The following TNPO3 variants were observed in gnomAD, a reference collection of about 807,000 sequenced individuals.
TNPO3 encodes the protein transportin 3, also known as transportin-3.
A neutral mutation model predicts 122.8 loss-of-function variants in TNPO3; 65 were observed. That is an observed-to-expected ratio of 0.53 (90% confidence interval 0.43 to 0.65). TNPO3 has a LOEUF of 0.65. TNPO3 is among the 30% of genes least tolerant of loss of function. The pLI is 0.00. For synonymous variants in TNPO3, 372 were observed against 411.2 expected, an observed-to-expected ratio of 0.90 and a Z score of 1.15; for missense variants, 850 against 1,136.7, an observed-to-expected ratio of 0.75 and a Z score of 3.63.
At chr7:128,963,948 CTTATA>C (rs1797698490) in intron 21 of TNPO3, among the ~76,000 whole-genome samples, 1 of 152,182 alleles carries the variant, frequency 6.6e-6, no homozygotes, top group Non-Finnish European at 1.5e-5. Flanking sequence ...CCTAGTCTCA[CTTATA>C]TATCTTTCTG....
intron 1 of TNPO3, among the ~76,000 whole-genome samples, chr7:129,043,842 G>A (rs1164441039): frequency 6.6e-6 from 1 of 152,154 alleles, no homozygotes; most frequent in African/African-American, 2.4e-5. Flanking sequence ...AAAATGCCAA[G>A]CTTGAAACCA....
intron 21 of TNPO3, among the ~76,000 whole-genome samples, chr7:128,961,718 C>A (rs74542576): frequency 0.044 from 6,736 of 152,182 alleles, 206 homozygotes; most frequent in Middle Eastern, 0.1. Context: ...ATTTCTCGAG[C>A]CCCATAAGAT....
At chr7:128,981,596 G>A (rs183751524) in intron 14 of TNPO3, among the ~76,000 whole-genome samples, 46 of 152,230 alleles carry the variant, frequency 3.0e-4, no homozygotes, top group Admixed American at 5.9e-4. Context: ...AGACACTGAG[G>A]GGATGGGATC....
chr7:128,983,353 T>A (rs1180529180), intron 13 of TNPO3, among the ~76,000 whole-genome samples: 5 of 152,060 alleles, frequency 3.3e-5, no homozygotes, highest in Admixed American at 3.3e-4. Flanking sequence ...ATTACAAGTG[T>A]GCGTCACCAC....
intron 4 of TNPO3, among the ~76,000 whole-genome samples, chr7:129,012,248 C>T (rs1266239876): frequency 1.3e-5 from 2 of 151,846 alleles, no homozygotes; most frequent in Non-Finnish European, 2.9e-5. Context: ...TCAAGTAATC[C>T]ACCCGCCTCA....
Position 128,970,313 on chromosome 7 carries a change from A to G in TNPO3, c.2433T>C (p.His811=), listed in dbSNP as rs1798329880. 1 of 1,593,712 alleles carries G rather than the reference A, an allele frequency of 6.3e-7. No individual in the cohort carries two copies. Among genetic ancestry groups the G allele is most frequent in the Non-Finnish European group, 8.6e-7 (1 of 1,168,556 alleles). Residue 811 remains histidine (H), a splice_region_variant and synonymous_variant, in exon 20 of 23, where the codon CAT becomes CAC. Transcript: ENST00000265388. ...DLIHTGVAND[H]EEDFELRKEL... is the part of the protein sequence containing the mutation. ...CTTTCCGTAATTCAAAGTCTTCTTCATGCTGTATGTAGGAAAGCAGGAACA... is the reference window on the plus strand; with the variant it reads ...CTTTCCGTAATTCAAAGTCTTCTTCGTGCTGTATGTAGGAAAGCAGGAACA...
chr7:128,996,282 T>C (rs1801306827), intron 8 of TNPO3, among the ~76,000 whole-genome samples: 1 of 152,188 alleles, frequency 6.6e-6, no homozygotes, highest in Non-Finnish European at 1.5e-5. Context: ...CTAATAATTT[T>C]CTAGTATTTT....
At position 128,957,251 on chromosome 7, in the gene TNPO3, T is replaced by C. The variant is rs1796992067; in HGVS notation, c.*4A>G. The C allele has an allele frequency of 6.2e-7, 1 of 1,613,016 alleles. No homozygotes were observed. The highest frequency in any genetic ancestry group is 8.5e-7 in the Non-Finnish European group (1 of 1,179,090). ...GGGTGACAGGCACAGTGCAGGAGTG[T>C]GAGCTATCGAAACAACCTGGTGAAG... On this transcript the variant is annotated 3_prime_UTR_variant, in exon 22 of 23. Transcript: ENST00000265388.
At position 128,973,805 on chromosome 7, in the gene TNPO3, A is replaced by G. The variant is rs1243211739; in HGVS notation, c.2273+1063T>C. The stretch of plus-strand genomic sequence containing the variant: ...GCCCATCCAACAATTCTATCAACTG[A>G]AAAAAAAAAAAAAAGAAAAGGAAAA... On this transcript the variant is annotated intron_variant, in intron 18 of 22. Transcript: ENST00000265388. Among the ~76,000 whole-genome samples the G allele has an allele frequency of 3.0e-3, 66 of 21,884 alleles. 1 individual carries two copies. The highest frequency in any genetic ancestry group is 9.8e-3 in the African/African-American group (64 of 6,502). 14.4% of individuals were successfully genotyped at this position (21,884 alleles called of 152,430 possible). A position where few individuals can be genotyped will look rare whatever the true frequency, so the allele number is the denominator to read the frequency against.
In TNPO3 at chr7:128,984,158, T is replaced by C. The variant is rs1799914253; in HGVS notation, c.1782+10A>G. 2 of 1,557,646 alleles carry C rather than the reference T, an allele frequency of 1.3e-6. No homozygotes were observed. Among genetic ancestry groups the C allele is most frequent in the Non-Finnish European group, 8.7e-7 (1 of 1,145,954 alleles). The stretch of plus-strand genomic sequence containing the variant: ...TATATTTGTTTCACACCTTCCTTAA[T>C]TGGACTTACCTTTTTCAATGCCATA... On this transcript the variant is annotated intron_variant, in intron 13 of 22. Transcript: ENST00000265388.
At chr7:129,048,526 T>C (rs1049797917) in intron 1 of TNPO3, among the ~76,000 whole-genome samples, 1 of 151,798 alleles carries the variant, frequency 6.6e-6, no homozygotes, top group South Asian at 2.1e-4. Context: ...TGAGACTCTG[T>C]CTCAAAAAAT....
rs1458730956 is a variant in TNPO3, at chr7:129,005,112, C to T, written c.600G>A (p.Lys200=). The part of the protein sequence containing the change: ...KAGTDEKMLM[K]VFRCLGSWFN... Reference sequence around the variant, plus strand: ...ACCAACTTCCCAAACAGCGAAAAACCTTCATAAGCATTTTCTCATCTGTTC... The same window carrying T: ...ACCAACTTCCCAAACAGCGAAAAACTTTCATAAGCATTTTCTCATCTGTTC... The change falls in exon 5 of 23, where the codon AAG becomes AAA. Residue 200 remains lysine, a synonymous_variant. Coordinates refer to ENST00000265388, the MANE Select transcript of TNPO3 (RefSeq NM_012470.4). The T allele has an allele frequency of 6.2e-7, 1 of 1,613,988 alleles. No individual in the cohort carries two copies. The highest frequency in any genetic ancestry group is 1.7e-5 in the Admixed American group (1 of 60,018).
chr7:128,971,838 C>G (rs1309406668), intron 19 of TNPO3, among the ~76,000 whole-genome samples: 1 of 152,202 alleles, frequency 6.6e-6, no homozygotes, highest in South Asian at 2.1e-4. Context: ...TATTCCAACT[C>G]TTTTTGGTCT....
chr7:129,029,261 A>T (rs1039661437), intron 1 of TNPO3: 5 of 157,914 alleles, frequency 3.2e-5, no homozygotes, highest in African/African-American at 4.8e-5. Context: ...AATTAAGTAC[A>T]CTGCCAATAA....
chr7:129,005,304 G>GT (rs35061509), intron 4 of TNPO3, 145 bp from the exon 5 acceptor site: 7,901 of 536,998 alleles, frequency 0.015, no homozygotes, highest in East Asian at 0.023. Context: ...AAGTGTCACT[G>GT]TTTTTTTTTT....
chr7:129,045,981 C>T (rs1386688861), intron 1 of TNPO3, among the ~76,000 whole-genome samples: 2 of 151,984 alleles, frequency 1.3e-5, no homozygotes, highest in Non-Finnish European at 2.9e-5. Context: ...GGGTGGATCA[C>T]GAGATCAGGA....
At chr7:129,050,833 G>A (rs1441352463) in intron 1 of TNPO3, among the ~76,000 whole-genome samples, 2 of 152,158 alleles carry the variant, frequency 1.3e-5, no homozygotes, top group Non-Finnish European at 2.9e-5. Context: ...AAAGGATGAA[G>A]GTTCCCTTCT....
At chr7:128,985,679 A>G (rs575979732) in intron 12 of TNPO3, among the ~76,000 whole-genome samples, 1 of 152,376 alleles carries the variant, frequency 6.6e-6, no homozygotes, top group East Asian at 1.9e-4. Context: ...ATTGTACTAC[A>G]GGTTAGACCT....
chr7:129,054,063 T>G (rs868331523), intron 1 of TNPO3, among the ~76,000 whole-genome samples: 8 of 152,310 alleles, frequency 5.3e-5, no homozygotes, highest in Middle Eastern at 6.8e-3. Context: ...CTCCAAAGAT[T>G]TTCTGAAAGC....
Sources: allele counts gnomAD v4.1 joint callset (sites outside exome capture counted in the v4.1 genomes callset), GRCh38; gene constraint gnomAD v4.1.1; transcripts MANE v1.5; gene names NCBI Gene and HGNC (gene_info 2026-07-23, HGNC 2026-07-21).